GRIP1: variants seen among roughly 807,000 people sequenced by gnomAD.
GRIP1 encodes the protein glutamate receptor interacting protein 1.
GRIP1 carries 45 observed loss-of-function variants against 129.9 expected under a neutral mutation model. That is an observed-to-expected ratio of 0.35 (90% CI 0.27 to 0.44). The LOEUF is 0.44. Ranked by LOEUF, GRIP1 falls within the 20% of genes least tolerant of loss-of-function variation. The pLI, the probability that GRIP1 is intolerant of heterozygous loss-of-function variation, is 1.00. For synonymous variants in GRIP1, 530 were observed against 520.8 expected (o/e 1.02, Z -0.24); for missense variants, 1,196 against 1,396.8 (o/e 0.86, Z 2.29).
chr12:66,846,985 G>A (rs1207479080), intron 1 of GRIP1, among the ~76,000 whole-genome samples: 1 of 152,138 alleles, frequency 6.6e-6, no homozygotes, highest in East Asian at 1.9e-4. Flanking sequence ...TCTGGCCCTG[G>A]CATAAGTAGG....
At chr12:66,728,876 T>C (rs918773526) in intron 1 of GRIP1, among the ~76,000 whole-genome samples, 6 of 152,030 alleles carry the variant, frequency 3.9e-5, no homozygotes, top group African/African-American at 1.2e-4. Flanking sequence ...TACATAAAAC[T>C]AAGGTGATGT....
At chr12:66,833,382 C>T (rs965555861) in intron 1 of GRIP1, among the ~76,000 whole-genome samples, 12 of 152,160 alleles carry the variant, frequency 7.9e-5, no homozygotes, top group Non-Finnish European at 1.5e-4. Context: ...ATGAGAAAGT[C>T]CCCACCATTC....
At chr12:66,375,659 A>C (rs1021486983) in intron 22 of GRIP1, among the ~76,000 whole-genome samples, 9 of 152,224 alleles carry the variant, frequency 5.9e-5, no homozygotes, top group Non-Finnish European at 4.4e-5. Flanking sequence ...CAAGGGCCAC[A>C]TCTGTCTGGA....
intron 1 of GRIP1, among the ~76,000 whole-genome samples, chr12:66,979,424 G>A (rs1312507867): frequency 1.3e-5 from 2 of 151,296 alleles, no homozygotes; most frequent in African/African-American, 2.4e-5. Context: ...TAGCCCATAT[G>A]AGCCACCATG....
chr12:66,949,759 CCTT>C (rs746879048), intron 1 of GRIP1, among the ~76,000 whole-genome samples: 1 of 138,322 alleles, frequency 7.2e-6, no homozygotes, highest in Non-Finnish European at 1.6e-5. Flanking sequence ...GCATGCTCCT[CCTT>C]TTTTTTTTTT....
At chr12:66,505,973 T>C (rs2060515629) in intron 7 of GRIP1, among the ~76,000 whole-genome samples, 1 of 152,162 alleles carries the variant, frequency 6.6e-6, no homozygotes, top group South Asian at 2.1e-4. Flanking sequence ...ATCTGGGAAA[T>C]AGACATTAAA....
chr12:66,456,625 C>T (rs1036377159), intron 9 of GRIP1, among the ~76,000 whole-genome samples: 2 of 151,560 alleles, frequency 1.3e-5, no homozygotes, highest in African/African-American at 4.9e-5. Flanking sequence ...AATTTCTAAT[C>T]TCCCTCAGTG....
intron 1 of GRIP1, among the ~76,000 whole-genome samples, chr12:66,822,647 T>C (rs1435816717): frequency 1.3e-5 from 2 of 152,142 alleles, no homozygotes; most frequent in African/African-American, 4.8e-5. Flanking sequence ...GTGGTACCTA[T>C]ACACCATGGA....
chr12:66,784,494 G>A (rs893574205), intron 1 of GRIP1, among the ~76,000 whole-genome samples: 1 of 152,174 alleles, frequency 6.6e-6, no homozygotes, highest in African/African-American at 2.4e-5. Context: ...GGCAGGGGCT[G>A]AGTGGCATTG....
At chr12:66,998,881 C>A (rs1194915693) in intron 1 of GRIP1, among the ~76,000 whole-genome samples, 3 of 152,152 alleles carry the variant, frequency 2.0e-5, no homozygotes, top group Non-Finnish European at 2.9e-5. Flanking sequence ...TTAAAACATG[C>A]TCCAATGCCT....
intron 1 of GRIP1, among the ~76,000 whole-genome samples, chr12:66,755,479 G>C (rs538251699): frequency 9.2e-5 from 14 of 152,302 alleles, no homozygotes; most frequent in African/African-American, 3.4e-4. Flanking sequence ...AGGTATAGTA[G>C]CAATGAATTC....
At chr12:66,535,305 T>C (rs1352570870) in intron 4 of GRIP1, among the ~76,000 whole-genome samples, 3 of 152,130 alleles carry the variant, frequency 2.0e-5, no homozygotes, top group East Asian at 3.9e-4. Flanking sequence ...GTTTCTCTTA[T>C]GTCTTTGGCA....
intron 7 of GRIP1, among the ~76,000 whole-genome samples, chr12:66,466,743 C>A (rs920722321): frequency 1.3e-5 from 2 of 152,106 alleles, no homozygotes; most frequent in Non-Finnish European, 2.9e-5. Flanking sequence ...TGACCTCAAG[C>A]CTTTGAGTCA....
At chr12:66,926,053 G>A (rs1317348980) in intron 1 of GRIP1, among the ~76,000 whole-genome samples, 2 of 152,306 alleles carry the variant, frequency 1.3e-5, no homozygotes, top group East Asian at 1.9e-4. Flanking sequence ...CAAGACTAAT[G>A]ATAATAGACA....
intron 2 of GRIP1, among the ~76,000 whole-genome samples, chr12:66,547,608 A>G (rs192593626): frequency 9.1e-4 from 139 of 152,356 alleles, no homozygotes; most frequent in African/African-American, 3.2e-3. Context: ...GGGTCAAACT[A>G]GTGCTACAAG....
In GRIP1 at chr12:66,709,571, T is replaced by C. The variant is rs571736253; in HGVS notation, c.-419-79235A>G. Among the ~76,000 whole-genome samples the C allele has an allele frequency of 3.3e-5, 5 of 152,012 alleles. No homozygotes were observed. The South Asian group carries it at 1.0e-3, about 32-fold the overall frequency. ...CAGTTTGATGACAGGGAGTTGTTCC[T>C]AGGGTTGGGCGGGGGTAGCCTATGT... On this transcript the variant is annotated intron_variant, in intron 1 of 4. Transcript: ENST00000538373.
chr12:66,555,018 C>T (rs1204883338), intron 2 of GRIP1, among the ~76,000 whole-genome samples: 2 of 152,204 alleles, frequency 1.3e-5, no homozygotes, highest in Non-Finnish European at 2.9e-5. Context: ...GGTTCTGCTA[C>T]TTGCTGATTA....
At chr12:66,934,763 T>C (rs774841113) in intron 1 of GRIP1, among the ~76,000 whole-genome samples, 1 of 152,242 alleles carries the variant, frequency 6.6e-6, no homozygotes, top group Non-Finnish European at 1.5e-5. Flanking sequence ...AAGTAAGTGC[T>C]TGTTTAAACT....
chr12:67,063,831 T>C (rs1172030380), intron 1 of GRIP1, among the ~76,000 whole-genome samples: 8 of 152,204 alleles, frequency 5.3e-5, no homozygotes, highest in Non-Finnish European at 1.2e-4. Context: ...AACTGAAGCC[T>C]CTTTGTTTGA....
Sources: allele counts gnomAD v4.1 joint callset (sites outside exome capture counted in the v4.1 genomes callset), GRCh38; gene constraint gnomAD v4.1.1; transcripts MANE v1.5; gene names NCBI Gene and HGNC (gene_info 2026-07-23, HGNC 2026-07-21).